Variants in RUFY2 observed in about 807,000 individuals in gnomAD.
RUFY2 encodes the protein RUN and FYVE domain containing 2.
Under a neutral mutation model 94.4 loss-of-function variants are expected in RUFY2, and 49 were observed. The ratio of observed to expected loss-of-function variants is 0.52; its 90% confidence interval spans 0.41 to 0.66. The LOEUF (loss-of-function observed/expected upper bound fraction) is 0.66, where lower values mean the gene tolerates loss of function less well. RUFY2 is among the 30% of genes least tolerant of loss of function. The pLI, the probability that RUFY2 is intolerant of heterozygous loss-of-function variation, is 0.00. For missense variants in RUFY2, 541 were observed against 692.8 expected, an observed-to-expected ratio of 0.78 and a Z score of 2.46; for synonymous variants, 255 against 235.7, an observed-to-expected ratio of 1.08 and a Z score of -0.75.
intron 16 of RUFY2, among the ~76,000 whole-genome samples, chr10:68,350,871 C>G (rs1335927274): frequency 1.3e-5 from 2 of 151,682 alleles, no homozygotes; most frequent in African/African-American, 2.4e-5. Context: ...CACCACTATG[C>G]CCGGCTAATT....
At chr10:68,400,900 C>T (rs2050790162) in intron 3 of RUFY2, among the ~76,000 whole-genome samples, 1 of 151,890 alleles carries the variant, frequency 6.6e-6, no homozygotes, top group African/African-American at 2.4e-5. Context: ...GTAGTCCCAG[C>T]TACTCGGGAG....
intron 11 of RUFY2, among the ~76,000 whole-genome samples, chr10:68,380,753 T>G (rs1218695272): frequency 4.6e-5 from 7 of 151,936 alleles, no homozygotes; most frequent in African/African-American, 1.7e-4. Flanking sequence ...TCCCAACTAC[T>G]AGGGAGGCTG....
intron 7 of RUFY2, among the ~76,000 whole-genome samples, chr10:68,392,001 C>T (rs567042608): frequency 6.6e-6 from 1 of 151,728 alleles, no homozygotes; most frequent in Non-Finnish European, 1.5e-5. Context: ...AACAAAAAAA[C>T]TATGCATCTC....
chr10:68,381,417 C>A lies in RUFY2; in HGVS notation c.940-18G>T, dbSNP rs756816592. ...TCTACATCCTGCAATTTCAATGTAT[C>A]CTCAATTCACATGCCACTTCAGGAT... On this transcript the variant is annotated intron_variant, in intron 10 of 17. Transcript: ENST00000602465. The A allele has an allele frequency of 1.3e-6, 2 of 1,598,452 alleles. No individual in the cohort carries two copies. The highest frequency in any genetic ancestry group is 1.3e-5 in the African/African-American group (1 of 74,318).
At chr10:68,393,335 G>T (rs2050142984) in intron 6 of RUFY2, 132 bp from the exon 7 acceptor site, 1 of 534,120 alleles carries the variant, frequency 1.9e-6, no homozygotes, top group Non-Finnish European at 3.2e-6. Context: ...TAAAACATAA[G>T]AATAATAGTA....
chr10:68,371,477 A>G (rs2048275538), intron 13 of RUFY2, among the ~76,000 whole-genome samples: 1 of 151,920 alleles, frequency 6.6e-6, no homozygotes, highest in African/African-American at 2.4e-5. Flanking sequence ...CTGTAGTTCT[A>G]GCTACCCAGG....
intron 1 of RUFY2, chr10:68,405,367 C>CCACT (rs2051208095): frequency 1.8e-6 from 1 of 547,626 alleles, no homozygotes; most frequent in South Asian, 7.9e-5. Flanking sequence ...ATTTCCATGA[C>CCACT]CACTCCAGCC....
intron 11 of RUFY2, among the ~76,000 whole-genome samples, chr10:68,379,975 T>C (rs2048930361): frequency 6.6e-6 from 1 of 151,680 alleles, no homozygotes; most frequent in East Asian, 1.9e-4. Flanking sequence ...GCCCAGCTAA[T>C]TTTTTTGTAT....
chr10:68,345,151 C>A lies in RUFY2; in HGVS notation c.*617G>T, dbSNP rs888634361. 5 of 153,606 alleles carry A rather than the reference C, an allele frequency of 3.3e-5. No individual in the cohort carries two copies. Among genetic ancestry groups the A allele is most frequent in the Admixed American group, 2.6e-4 (4 of 15,308 alleles). The allele number at this position is 153,606 out of a possible 1,614,324, so 9.5% of individuals were successfully genotyped here. ...GTAGAGGCCGAGGCCAAATAATGCCCCCTTTAATTTAATCCACTGTAGCTG... is the reference window on the plus strand; with the variant it reads ...GTAGAGGCCGAGGCCAAATAATGCCACCTTTAATTTAATCCACTGTAGCTG... On this transcript the variant is annotated 3_prime_UTR_variant, in exon 18 of 18. Coordinates refer to ENST00000602465, the MANE Select transcript of RUFY2 (RefSeq NM_001330103.2).
intron 3 of RUFY2, among the ~76,000 whole-genome samples, chr10:68,400,906 G>C (rs1443885119): frequency 1.3e-5 from 2 of 151,868 alleles, no homozygotes; most frequent in Non-Finnish European, 2.9e-5. Flanking sequence ...CCAGCTACTC[G>C]GGAGGCTGAG....
At chr10:68,391,973 C>A (rs1315282442) in intron 7 of RUFY2, among the ~76,000 whole-genome samples, 1 of 150,822 alleles carries the variant, frequency 6.6e-6, no homozygotes, top group Non-Finnish European at 1.5e-5. Context: ...CTCAAAAAAA[C>A]AAACAAACAA....
chr10:68,400,920 G>A (rs956777934), intron 3 of RUFY2, among the ~76,000 whole-genome samples: 1 of 152,108 alleles, frequency 6.6e-6, no homozygotes, highest in South Asian at 2.1e-4. Flanking sequence ...GGCTGAGGCA[G>A]GAGAATGGGG....
chr10:68,379,313 A>C (rs1281567515), intron 12 of RUFY2, 111 bp downstream of exon 12: 2 of 801,696 alleles, frequency 2.5e-6, no homozygotes, highest in African/African-American at 3.6e-5. Flanking sequence ...TAAACAAAAA[A>C]CATGTCCTAA....
chr10:68,394,463 T>C lies in RUFY2; in HGVS notation c.399-12A>G, dbSNP rs2050227668. On this transcript the variant is annotated splice_polypyrimidine_tract_variant and intron_variant, in intron 4 of 17. Transcript: ENST00000602465. ...ACTCATAAAACTCACTGTGAAAATT[T>C]AAAAAATAAGGACTTTAAATCACAA... 3.1e-6 allele frequency: 5 copies of C among 1,593,502 alleles called. No individual in the cohort carries two copies. The highest frequency in any genetic ancestry group is 2.2e-5 in the South Asian group (2 of 90,196).
At chr10:68,379,332 T>C (rs2048869261) in intron 12 of RUFY2, 92 bp downstream of exon 12, 3 of 957,852 alleles carry the variant, frequency 3.1e-6, no homozygotes, top group East Asian at 5.1e-5. Context: ...AATCTATGTC[T>C]TCCTAATGGT....
intron 7 of RUFY2, among the ~76,000 whole-genome samples, chr10:68,387,135 T>A (rs2132918563): frequency 6.6e-6 from 1 of 152,176 alleles, no homozygotes; most frequent in East Asian, 1.9e-4. Flanking sequence ...GGCAGGCAGA[T>A]CACCTGAAGT....
At chr10:68,406,921 C>T (rs745587314) in intron 1 of RUFY2, 2 of 1,563,644 alleles carry the variant, frequency 1.3e-6, no homozygotes, top group South Asian at 2.3e-5. Context: ...CCTGTCCTCG[C>T]TCCTGGACGC....
intron 2 of RUFY2, among the ~76,000 whole-genome samples, chr10:68,402,841 T>C (rs1223772004): frequency 1.5e-5 from 1 of 67,220 alleles, no homozygotes; most frequent in Non-Finnish European, 2.6e-5. Context: ...AGCCATATCT[T>C]TTTTTTTTTT....
At chr10:68,341,152 ATAAG>A (rs1320750726), downstream of RUFY2, 6 of 1,504,888 alleles carry the variant, frequency 4.0e-6, no homozygotes, top group Non-Finnish European at 9.0e-7. Flanking sequence ...AGAAAAGTAA[ATAAG>A]TGTTTCCTTT....
Sources: allele counts gnomAD v4.1 joint callset (sites outside exome capture counted in the v4.1 genomes callset), GRCh38; gene constraint gnomAD v4.1.1; transcripts MANE v1.5; gene names NCBI Gene and HGNC (gene_info 2026-07-23, HGNC 2026-07-21).